Variants in USP3 observed in about 807,000 individuals in gnomAD.
The protein encoded by USP3 is ubiquitin carboxyl-terminal hydrolase 3.
A neutral mutation model predicts 72.3 loss-of-function variants in USP3; 20 were observed. The ratio of observed to expected loss-of-function variants is 0.28; its 90% CI spans 0.19 to 0.40. The LOEUF is 0.40. Among genes scored for constraint, USP3 ranks in the 10% least tolerant of loss-of-function variants. The pLI is 1.00. For synonymous variants in USP3, 222 were observed against 225.3 expected, an observed-to-expected ratio of 0.99 and a Z score of 0.13; for missense variants, 479 against 633.9, an observed-to-expected ratio of 0.76 and a Z score of 2.62.
rs181740109 is a variant in USP3, at chr15:63,537,440, T to C, written c.284+284T>C. Among the ~76,000 whole-genome samples the C allele has an allele frequency of 5.9e-5, 9 of 152,308 alleles. No individual in the cohort carries two copies. The East Asian group carries it at 1.7e-3, about 29-fold the overall frequency. Reference sequence around the variant, plus strand: ...GATCTATTTCTTTGTTATTATAATTTCTTTTTCTTGTGTTATTTTAAATTG... The same window carrying C: ...GATCTATTTCTTTGTTATTATAATTCCTTTTTCTTGTGTTATTTTAAATTG... On this transcript the variant is annotated intron_variant, in intron 3 of 14. Transcript: ENST00000380324.
intron 7 of USP3, among the ~76,000 whole-genome samples, chr15:63,560,456 G>A (rs1004205755): frequency 9.3e-5 from 14 of 151,034 alleles, no homozygotes; most frequent in East Asian, 3.9e-4. Context: ...TTTATTTACC[G>A]TAACAGGAGG....
At chr15:63,558,059 G>A (rs201140636) in intron 5 of USP3, 47 bp from the exon 6 acceptor site, 1 of 1,598,694 alleles carries the variant, frequency 6.3e-7, no homozygotes, top group African/African-American at 1.3e-5. Context: ...TGAAACAGTT[G>A]GCCTTCCCTT....
rs558232592 is a variant in USP3, at chr15:63,533,846, T to A, written c.152+1139T>A. The A allele has an allele frequency of 1.2e-3, 1,460 of 1,231,572 alleles. 4 individuals are homozygous for A. Among genetic ancestry groups the A allele is most frequent in the Middle Eastern group, 2.5e-3 (11 of 4,482 alleles). The allele number at this position is 1,231,572 out of a possible 1,614,324, so 76.3% of individuals were successfully genotyped here. The stretch of plus-strand genomic sequence containing the variant: ...ATACTTTGTACAGATAACTTTTTTT[T>A]AAAAAAGAAGAAAAGTAGAAGCACT... On this transcript the variant is annotated intron_variant, in intron 2 of 14. Transcript: ENST00000380324.
At chr15:63,511,282 A>AAAAAAAAAAAAAAC (rs2065777879) in intron 1 of USP3, among the ~76,000 whole-genome samples, 1 of 149,792 alleles carries the variant, frequency 6.7e-6, no homozygotes, top group African/African-American at 2.4e-5. Flanking sequence ...AAAAAAAAAA[A>AAAAAAAAAAAAAAC]GAGTCTTTAT....
chr15:63,504,895 C>G, intron 1 of USP3, 65 bp downstream of exon 1: 1 of 1,259,502 alleles, frequency 7.9e-7, no homozygotes, highest in South Asian at 2.5e-5. Context: ...GGCCTGCCGT[C>G]TAGGGGCCGC....
intron 11 of USP3, among the ~76,000 whole-genome samples, chr15:63,582,702 T>C (rs2066985086): frequency 6.6e-6 from 1 of 152,078 alleles, no homozygotes; most frequent in Non-Finnish European, 1.5e-5. Context: ...GAAGAAAATG[T>C]TGGAAAGCAA....
chr15:63,557,113 C>G, intron 5 of USP3: 1 of 168,802 alleles, frequency 5.9e-6, no homozygotes. Flanking sequence ...CTCCGTAGCC[C>G]AGGCTGGAGT....
At chr15:63,506,377 A>G (rs1487649851) in intron 1 of USP3, among the ~76,000 whole-genome samples, 1 of 152,198 alleles carries the variant, frequency 6.6e-6, no homozygotes, top group Non-Finnish European at 1.5e-5. Flanking sequence ...GAAGAAAAAA[A>G]AAAAGACCAA....
intron 11 of USP3, among the ~76,000 whole-genome samples, chr15:63,585,344 T>G (rs989891509): frequency 2.0e-5 from 3 of 152,180 alleles, no homozygotes; most frequent in African/African-American, 7.2e-5. Flanking sequence ...CAACATCAAG[T>G]CTTCCAGTCT....
intron 3 of USP3, among the ~76,000 whole-genome samples, chr15:63,540,769 T>G (rs1165484557): frequency 6.6e-6 from 1 of 152,216 alleles, no homozygotes; most frequent in South Asian, 2.1e-4. Flanking sequence ...TGATTCTGAT[T>G]TGACACAAAC....
intron 1 of USP3, chr15:63,527,778 G>A (rs1030058577): frequency 5.3e-5 from 8 of 152,224 alleles, no homozygotes; most frequent in African/African-American, 1.9e-4. Context: ...AGGGCCATCT[G>A]CCCTTCCGTA....
intron 3 of USP3, among the ~76,000 whole-genome samples, chr15:63,545,970 C>CA (rs60122671): frequency 0.05 from 3,467 of 68,760 alleles, 568 homozygotes; most frequent in East Asian, 0.31. Context: ...GACCTTGTCT[C>CA]AAAAAAAAAA....
At chr15:63,511,547 TATACTC>T (rs1332255129) in intron 1 of USP3, among the ~76,000 whole-genome samples, 9 of 152,194 alleles carry the variant, frequency 5.9e-5, no homozygotes, top group Non-Finnish European at 1.2e-4. Flanking sequence ...TCAACCTTGT[TATACTC>T]AGATCTAATA....
At chr15:63,539,146 T>A (rs778679540) in intron 3 of USP3, among the ~76,000 whole-genome samples, 2 of 152,086 alleles carry the variant, frequency 1.3e-5, no homozygotes, top group Non-Finnish European at 2.9e-5. Flanking sequence ...AGGAAACTTA[T>A]ATACTAGAGT....
chr15:63,530,721 G>C (rs923852868), intron 1 of USP3: 2 of 341,416 alleles, frequency 5.9e-6, no homozygotes. Flanking sequence ...AGCTGTTCAA[G>C]TAAGCTGTGT....
At chr15:63,532,504 G>A (rs930573586) in intron 1 of USP3, 143 bp from the exon 2 acceptor site, 1 of 859,466 alleles carries the variant, frequency 1.2e-6, no homozygotes, top group Middle Eastern at 2.3e-4. Flanking sequence ...GCCATTTTGT[G>A]TAAATGCATT....
rs538865700 is a variant in USP3, at chr15:63,574,293, G to A, written c.1016-30G>A. On this transcript the variant is annotated intron_variant, in intron 10 of 14. Coordinates refer to ENST00000380324, the MANE Select transcript of USP3 (RefSeq NM_006537.4). The surrounding 1 kb of genome is among the most constrained non-coding windows in gnomAD (Gnocchi z 4.6). ...TGAATGGACATATATGCCTTTAACA[G>A]CTCTCTGTTTACCTCTCTCTCCTTT... 3 of 1,550,262 alleles carry A rather than the reference G, an allele frequency of 1.9e-6. No homozygotes were observed. The highest frequency in any genetic ancestry group is 2.6e-6 in the Non-Finnish European group (3 of 1,151,138).
At chr15:63,590,491 C>T (rs1041362130) in intron 14 of USP3, among the ~76,000 whole-genome samples, 170 bp from the exon 15 acceptor site, 2 of 152,178 alleles carry the variant, frequency 1.3e-5, no homozygotes, top group Non-Finnish European at 2.9e-5. Flanking sequence ...CTAGCAAACC[C>T]TCGATTTCTG....
rs146172765 is a variant in USP3, at chr15:63,526,852, A to G, written c.92-5795A>G. 3.0e-4 allele frequency among the ~76,000 whole-genome samples: 46 copies of G among 152,312 alleles called. 1 individual carries two copies. Among genetic ancestry groups the G allele is most frequent in the Admixed American group, 2.7e-3 (42 of 15,302 alleles). On this transcript the variant is annotated intron_variant, in intron 1 of 14. Transcript: ENST00000380324. ...GGAAGGATTTTATTTATGGGGGATG[A>G]TGATATGATTGTTTCATCTAACTTT... is the stretch of plus-strand genomic sequence containing the variant.
Sources: gnomAD v4.1 joint callset for allele counts (sites outside exome capture counted in the v4.1 genomes callset) on GRCh38, gnomAD v4.1.1 for gene constraint, Gnocchi (gnomAD v3.1) non-coding constraint, MANE v1.5 for transcripts, NCBI Gene and HGNC (gene_info 2026-07-23, HGNC 2026-07-21) for gene names.